The following PCLO variants were observed in gnomAD, a reference collection of about 807,000 sequenced individuals.
The protein encoded by PCLO is piccolo presynaptic cytomatrix protein.
PCLO carries 82 observed loss-of-function variants against 427.5 expected under a neutral mutation model. The observed-to-expected ratio is 0.19, with a 90% CI of 0.16 to 0.23. PCLO has a LOEUF of 0.23. PCLO is among the 10% of genes least tolerant of loss of function. PCLO has a pLI of 1.00. For missense variants in PCLO, 6,239 were observed against 6,115.9 expected, an observed-to-expected ratio of 1.02 and a Z score of -0.67; for synonymous variants, 2,357 against 2,155.4, an observed-to-expected ratio of 1.09 and a Z score of -2.59.
intron 1 of PCLO, among the ~76,000 whole-genome samples, chr7:83,161,608 T>C (rs1157981629): frequency 6.6e-6 from 1 of 152,244 alleles, no homozygotes; most frequent in Non-Finnish European, 1.5e-5. Flanking sequence ...TAAAAGTATG[T>C]ATTGAAAATT....
At chr7:82,967,233 T>A (rs558471358) in intron 3 of PCLO, among the ~76,000 whole-genome samples, 15 of 146,602 alleles carry the variant, frequency 1.0e-4, no homozygotes, top group African/African-American at 3.8e-4. Context: ...TGGGGTGCAA[T>A]GGTGCGATCT....
chr7:82,934,166 G>C (rs1794899757), intron 6 of PCLO, among the ~76,000 whole-genome samples: 1 of 151,786 alleles, frequency 6.6e-6, no homozygotes. Context: ...ACCAGTTTAT[G>C]ATAGACATTC....
chr7:82,998,378 G>C (rs1358079355), intron 3 of PCLO, among the ~76,000 whole-genome samples: 1 of 149,618 alleles, frequency 6.7e-6, no homozygotes, highest in African/African-American at 2.4e-5. Flanking sequence ...TCTCAACAAG[G>C]TCTGTCCTTT....
intron 6 of PCLO, among the ~76,000 whole-genome samples, chr7:82,923,404 A>T (rs1262883437): frequency 1.3e-5 from 2 of 152,090 alleles, no homozygotes; most frequent in Middle Eastern, 3.2e-3. Flanking sequence ...AAAAAAGTTC[A>T]AAAGCAAACT....
intron 6 of PCLO, among the ~76,000 whole-genome samples, chr7:82,933,206 G>A (rs544019165): frequency 6.6e-6 from 1 of 151,964 alleles, no homozygotes; most frequent in Non-Finnish European, 1.5e-5. Flanking sequence ...TAGTCTTTGA[G>A]TTGTTTCCAA....
intron 10 of PCLO, among the ~76,000 whole-genome samples, chr7:82,877,520 T>C (rs1793401916): frequency 1.3e-5 from 2 of 152,174 alleles, no homozygotes; most frequent in African/African-American, 4.8e-5. Context: ...GAAAGGGTTA[T>C]AGTCATAGAA....
chr7:83,089,710 G>C (rs1041336588), intron 3 of PCLO, among the ~76,000 whole-genome samples: 3 of 152,136 alleles, frequency 2.0e-5, no homozygotes, highest in Non-Finnish European at 2.9e-5. Context: ...CCACTGGCTG[G>C]AGCAGGGGAA....
intron 15 of PCLO, among the ~76,000 whole-genome samples, chr7:82,837,491 T>G (rs575048254): frequency 6.6e-6 from 1 of 152,156 alleles, no homozygotes; most frequent in East Asian, 1.9e-4. Context: ...TGATATGAAT[T>G]GCTCAAGTGA....
In PCLO at chr7:83,162,871, G is replaced by A. The variant is rs1584107460; in HGVS notation, c.-279C>T. ...ACGCCGCCTCGGCGCCCCGAGCCGGGGAGAAGCAGATCTGAGCGGTGCCAG... is the reference window on the plus strand; with the variant it reads ...ACGCCGCCTCGGCGCCCCGAGCCGGAGAGAAGCAGATCTGAGCGGTGCCAG... On this transcript the variant is annotated 5_prime_UTR_variant, in exon 1 of 25. Transcript: ENST00000333891. 4.1e-6 allele frequency: 2 copies of A among 489,558 alleles called. No individual in the cohort carries two copies. Among genetic ancestry groups the A allele is most frequent in the Admixed American group, 4.0e-5 (1 of 25,072 alleles). The allele number at this position is 489,558 out of a possible 1,614,324, so 30.3% of individuals were successfully genotyped here.
intron 6 of PCLO, among the ~76,000 whole-genome samples, chr7:82,942,487 A>G (rs1035858234): frequency 1.3e-5 from 2 of 152,154 alleles, no homozygotes; most frequent in African/African-American, 4.8e-5. Flanking sequence ...TTCTTTATAA[A>G]AAGTTTTCTT....
At chr7:82,806,519 T>A (rs1215917227) in intron 20 of PCLO, among the ~76,000 whole-genome samples, 1 of 152,188 alleles carries the variant, frequency 6.6e-6, no homozygotes, top group Non-Finnish European at 1.5e-5. Flanking sequence ...CAATAAATTA[T>A]GCAGTAGGGG....
rs146822408 is a variant in PCLO at position 83,148,443 on chromosome 7, A to G, written c.1893+6305T>C. 2.6e-3 allele frequency among the ~76,000 whole-genome samples: 403 copies of G among 152,268 alleles called. 2 individuals carry two copies. The highest frequency in any genetic ancestry group is 8.2e-3 in the African/African-American group (341 of 41,558). ...GCTCCATAAGGGAAGGATTTTTTCA[A>G]CTTTGTTCACTCTCATATTCCCAGA... On this transcript the variant is annotated intron_variant, in intron 2 of 24. Coordinates refer to ENST00000333891, the MANE Select transcript of PCLO (RefSeq NM_033026.6).
At chr7:82,943,908 A>C (rs2116393266) in intron 6 of PCLO, among the ~76,000 whole-genome samples, 1 of 152,164 alleles carries the variant, frequency 6.6e-6, no homozygotes, top group African/African-American at 2.4e-5. Context: ...CTGTAATGCC[A>C]GCACTCTGGG....
intron 3 of PCLO, among the ~76,000 whole-genome samples, chr7:83,089,157 A>C (rs771655239): frequency 7.9e-5 from 12 of 152,122 alleles, no homozygotes; most frequent in South Asian, 6.2e-4. Context: ...ACATACATAC[A>C]TACACACATA....
At chr7:83,056,153 A>C (rs992047678) in intron 3 of PCLO, among the ~76,000 whole-genome samples, 1 of 152,134 alleles carries the variant, frequency 6.6e-6, no homozygotes, top group East Asian at 1.9e-4. Flanking sequence ...TGGGCCTCAC[A>C]CCTCAGACTG....
chr7:83,029,801 G>A (rs569107074), intron 3 of PCLO, among the ~76,000 whole-genome samples: 3,054 of 140,166 alleles, frequency 0.022, 127 homozygotes, highest in African/African-American at 0.078. Context: ...ATGAGTTCAC[G>A]TCCTTTGTAG....
At chr7:83,008,085 TAATA>T (rs948559512) in intron 3 of PCLO, among the ~76,000 whole-genome samples, 1 of 151,636 alleles carries the variant, frequency 6.6e-6, no homozygotes, top group African/African-American at 2.4e-5. Context: ...GTTATTTGTG[TAATA>T]AATACACACA....
rs774866287 is a variant in PCLO, at chr7:82,826,557, A to G, written c.14415+32T>C. ...GCTTTAATTGGTGGTTTACCATAGCAGCAAATAAGGGAAAGGAAGTCAGAG... is the reference window on the plus strand; with the variant it reads ...GCTTTAATTGGTGGTTTACCATAGCGGCAAATAAGGGAAAGGAAGTCAGAG... On this transcript the variant is annotated intron_variant, in intron 18 of 24. Transcript: ENST00000333891. 5.7e-6 allele frequency: 8 copies of G among 1,411,964 alleles called. No individual in the cohort carries two copies. In the South Asian group the frequency reaches 9.5e-5, roughly 17 times the overall value. The allele number at this position is 1,411,964 out of a possible 1,614,324, so 87.5% of individuals were successfully genotyped here.
intron 24 of PCLO, among the ~76,000 whole-genome samples, chr7:82,759,998 GAT>G (rs1197785941): frequency 6.6e-6 from 1 of 151,974 alleles, no homozygotes; most frequent in East Asian, 1.9e-4. Context: ...TCAGTAAGGA[GAT>G]GAAAGATGTG....
Sources: gnomAD v4.1 joint callset for allele counts (sites outside exome capture counted in the v4.1 genomes callset) on GRCh38, gnomAD v4.1.1 for gene constraint, MANE v1.5 for transcripts, NCBI Gene and HGNC (gene_info 2026-07-23, HGNC 2026-07-21) for gene names.